The following CCDC73 variants were observed in gnomAD, a reference collection of about 807,000 sequenced individuals.
CCDC73 encodes coiled-coil domain containing 73.
Under a neutral mutation model 116.5 loss-of-function variants are expected in CCDC73, and 95 were observed. The ratio of observed to expected loss-of-function variants is 0.82; its 90% CI spans 0.69 to 0.97. The LOEUF (loss-of-function observed/expected upper bound fraction) is 0.97. Among genes scored for constraint, CCDC73 ranks in the 50% least tolerant of loss-of-function variants. CCDC73 has a pLI of 0.00. For missense variants in CCDC73, 1,066 were observed against 1,206.8 expected, an observed-to-expected ratio of 0.88 and a Z score of 1.73; for synonymous variants, 398 against 401.3, an observed-to-expected ratio of 0.99 and a Z score of 0.10.
intron 7 of CCDC73, chr11:32,682,501 TTA>T (rs1282074658): frequency 2.0e-5 from 3 of 151,972 alleles, no homozygotes; most frequent in Admixed American, 6.6e-5. Context: ...GCAAAATACT[TTA>T]TGTTTTTCTA....
At chr11:32,605,949 C>T in intron 17 of CCDC73, 1 of 151,956 alleles carries the variant, frequency 6.6e-6, no homozygotes, top group East Asian at 1.9e-4. Flanking sequence ...GGTACTAGTC[C>T]TTTTATTTCT....
the CCDC73 span, chr11:32,829,847 C>T: frequency 1.0e-6 from 1 of 985,302 alleles, no homozygotes; most frequent in Non-Finnish European, 1.2e-6. Flanking sequence ...GCCCACTGCC[C>T]GCCCGCTCGC....
intron 2 of CCDC73, among the ~76,000 whole-genome samples, chr11:32,731,029 GGAAGCCA>G (rs140206605): frequency 0.014 from 2,070 of 152,268 alleles, 54 homozygotes; most frequent in African/African-American, 0.047. Flanking sequence ...CCTAGCCAAG[GGAAGCCA>G]TGACAGATGA....
intron 1 of CCDC73, among the ~76,000 whole-genome samples, chr11:32,767,340 A>T (rs1037120973): frequency 6.6e-6 from 1 of 152,256 alleles, no homozygotes; most frequent in African/African-American, 2.4e-5. Flanking sequence ...TTAAAGACGT[A>T]AATGTTAGAC....
chr11:32,617,532 G>C (rs980490767), intron 14 of CCDC73, among the ~76,000 whole-genome samples: 2 of 152,128 alleles, frequency 1.3e-5, no homozygotes, highest in African/African-American at 4.8e-5. Context: ...AGAACACACG[G>C]GGCAGAGTGA....
At position 32,747,549 on chromosome 11, in the gene CCDC73, G is replaced by A. The variant is rs190934862; in HGVS notation, c.135+12560C>T. Among the ~76,000 whole-genome samples, 50 of 152,326 alleles carry A rather than the reference G, an allele frequency of 3.3e-4. 1 individual carries two copies. In the East Asian group the frequency reaches 9.7e-3, roughly 29 times the overall value. On this transcript the variant is annotated intron_variant, in intron 2 of 17. Coordinates refer to ENST00000335185, the MANE Select transcript of CCDC73 (RefSeq NM_001008391.4). Reference sequence around the variant, plus strand: ...CCTGCCACCAGAGGTGGAATCTAGAGAGGCAGTAGGCCTTGCTGAGCTGCA... The same window carrying A: ...CCTGCCACCAGAGGTGGAATCTAGAAAGGCAGTAGGCCTTGCTGAGCTGCA...
intron 2 of CCDC73, among the ~76,000 whole-genome samples, chr11:32,758,843 A>C (rs964747230): frequency 1.3e-5 from 2 of 152,274 alleles, no homozygotes; most frequent in African/African-American, 4.8e-5. Flanking sequence ...TTTTACAAAA[A>C]CACTTCTTTA....
intron 14 of CCDC73, among the ~76,000 whole-genome samples, chr11:32,622,789 A>G (rs1005235519): frequency 2.0e-5 from 3 of 151,896 alleles, no homozygotes; most frequent in African/African-American, 7.3e-5. Context: ...TAGGTGCTCA[A>G]TTAATGGTAT....
intron 3 of CCDC73, among the ~76,000 whole-genome samples, chr11:32,705,083 C>G (rs1207139810): frequency 6.6e-6 from 1 of 152,220 alleles, no homozygotes; most frequent in Admixed American, 6.5e-5. Flanking sequence ...AACGCTATAG[C>G]TCTCCCAGCC....
intron 1 of CCDC73, among the ~76,000 whole-genome samples, chr11:32,764,793 G>T (rs375324050): frequency 6.6e-6 from 1 of 152,140 alleles, no homozygotes; most frequent in Admixed American, 6.5e-5. Flanking sequence ...TGGGCTAAAT[G>T]CTCCAATTAA....
chr11:32,639,713 T>G (rs1386273392), intron 13 of CCDC73, among the ~76,000 whole-genome samples: 1 of 152,154 alleles, frequency 6.6e-6, no homozygotes, highest in East Asian at 1.9e-4. Context: ...CCTCCCAAAG[T>G]GCTGGGATTA....
At chr11:32,652,529 C>T (rs1855835400) in intron 12 of CCDC73, among the ~76,000 whole-genome samples, 1 of 152,138 alleles carries the variant, frequency 6.6e-6, no homozygotes, top group Non-Finnish European at 1.5e-5. Context: ...CATTTCTTCA[C>T]TCAGCTTTAT....
At chr11:32,755,331 C>T (rs1204826961) in intron 2 of CCDC73, among the ~76,000 whole-genome samples, 2 of 142,860 alleles carry the variant, frequency 1.4e-5, no homozygotes, top group South Asian at 2.2e-4. Context: ...GTCAGGAGAT[C>T]GAGGCCAGCC....
chr11:32,755,285 C>T (rs1316137147), intron 2 of CCDC73, among the ~76,000 whole-genome samples: 3 of 145,158 alleles, frequency 2.1e-5, no homozygotes, highest in Non-Finnish European at 4.5e-5. Context: ...CGTGTAATCC[C>T]AGCACTTTGG....
intron 9 of CCDC73, among the ~76,000 whole-genome samples, chr11:32,664,942 T>C (rs973797090): frequency 2.6e-5 from 4 of 152,234 alleles, no homozygotes; most frequent in Non-Finnish European, 5.9e-5. Flanking sequence ...GAGCAGGTTG[T>C]TCAGTTTCCA....
At chr11:32,827,502 A>C in the CCDC73 span, among the ~76,000 whole-genome samples, 1 of 152,180 alleles carries the variant, frequency 6.6e-6, no homozygotes, top group East Asian at 1.9e-4. Flanking sequence ...TTTTGGTCCA[A>C]ATATCCAGAT....
intron 2 of CCDC73, among the ~76,000 whole-genome samples, chr11:32,751,277 T>A (rs1005414247): frequency 1.3e-5 from 2 of 152,134 alleles, no homozygotes; most frequent in African/African-American, 2.4e-5. Flanking sequence ...TGCCTGGGGT[T>A]GAAGAGGGGT....
intron 9 of CCDC73, among the ~76,000 whole-genome samples, chr11:32,667,695 A>C (rs184532685): frequency 1.3e-5 from 2 of 152,182 alleles, no homozygotes; most frequent in Non-Finnish European, 2.9e-5. Context: ...ACAAGCCCCA[A>C]TGAGATGAAC....
intron 2 of CCDC73, among the ~76,000 whole-genome samples, chr11:32,742,193 C>T (rs1313349332): frequency 6.6e-6 from 1 of 152,132 alleles, no homozygotes; most frequent in Non-Finnish European, 1.5e-5. Context: ...ATGGCTGGGT[C>T]AAATGGTATT....
Sources: gnomAD v4.1 joint callset for allele counts (sites outside exome capture counted in the v4.1 genomes callset) on GRCh38, gnomAD v4.1.1 for gene constraint, MANE v1.5 for transcripts, NCBI Gene and HGNC (gene_info 2026-07-23, HGNC 2026-07-21) for gene names.